SLC9A9: variants seen among roughly 807,000 people sequenced by gnomAD.
SLC9A9 encodes sodium/hydrogen exchanger 9.
SLC9A9 carries 62 observed loss-of-function variants against 77.8 expected under a neutral mutation model. That is an observed-to-expected ratio of 0.80 (90% CI 0.65 to 0.98). SLC9A9 has a LOEUF of 0.98. Ranked by LOEUF, SLC9A9 falls within the 50% of genes least tolerant of loss-of-function variation. The probability of loss-of-function intolerance (pLI) is 0.00; values close to 1 mark genes in which losing one functional copy is unlikely to be tolerated. For synonymous variants in SLC9A9, 320 were observed against 283.5 expected, an observed-to-expected ratio of 1.13 and a Z score of -1.29; for missense variants, 775 against 774.9, an observed-to-expected ratio of 1.00 and a Z score of 0.00.
intron 1 of SLC9A9, among the ~76,000 whole-genome samples, chr3:143,847,134 A>G (rs566720075): frequency 1.3e-5 from 2 of 152,338 alleles, no homozygotes; most frequent in South Asian, 4.1e-4. Flanking sequence ...TACAATGTGC[A>G]TTGATCTGTA....
chr3:143,521,618 C>T (rs2036299331), intron 9 of SLC9A9, among the ~76,000 whole-genome samples: 7 of 151,678 alleles, frequency 4.6e-5, no homozygotes, highest in Admixed American at 3.3e-4. Context: ...TTTCCATTTC[C>T]TGCCTTCTTT....
At chr3:143,673,015 T>C (rs2039184114) in intron 5 of SLC9A9, among the ~76,000 whole-genome samples, 1 of 152,232 alleles carries the variant, frequency 6.6e-6, no homozygotes. Context: ...AGATAGTTCA[T>C]GTGCCTCTGC....
intron 4 of SLC9A9, among the ~76,000 whole-genome samples, chr3:143,704,241 T>C (rs1933890900): frequency 6.6e-6 from 1 of 152,144 alleles, no homozygotes; most frequent in East Asian, 1.9e-4. Context: ...AGTATTATCC[T>C]CATAACAAGA....
intron 12 of SLC9A9, among the ~76,000 whole-genome samples, chr3:143,465,577 G>T (rs2035268265): frequency 6.6e-6 from 1 of 152,188 alleles, no homozygotes; most frequent in African/African-American, 2.4e-5. Context: ...TCACCTAATA[G>T]TGTATTCAGT....
At chr3:143,625,231 C>T (rs904610540) in intron 6 of SLC9A9, among the ~76,000 whole-genome samples, 2 of 152,216 alleles carry the variant, frequency 1.3e-5, no homozygotes, top group African/African-American at 4.8e-5. Flanking sequence ...ATCAAGCTAC[C>T]AATGACTTTC....
intron 4 of SLC9A9, among the ~76,000 whole-genome samples, chr3:143,729,048 C>A (rs1295060518): frequency 6.6e-6 from 1 of 152,148 alleles, no homozygotes; most frequent in African/African-American, 2.4e-5. Context: ...GCTTTGCCAA[C>A]ACCCAGTTAT....
chr3:143,732,564 C>A (rs4839605), intron 4 of SLC9A9, among the ~76,000 whole-genome samples: 7,832 of 152,314 alleles, frequency 0.051, 353 homozygotes, highest in East Asian at 0.2. Flanking sequence ...CCATGAGAAT[C>A]TCAAGTGTGG....
intron 9 of SLC9A9, among the ~76,000 whole-genome samples, chr3:143,495,966 A>T (rs1056660221): frequency 2.0e-5 from 3 of 152,198 alleles, no homozygotes; most frequent in Non-Finnish European, 2.9e-5. Flanking sequence ...ATGAATGTCA[A>T]TTACATTTTA....
chr3:143,600,252 T>C (rs899720239), intron 6 of SLC9A9, among the ~76,000 whole-genome samples: 1 of 152,148 alleles, frequency 6.6e-6, no homozygotes, highest in Non-Finnish European at 1.5e-5. Context: ...TTTGTTCAAC[T>C]CCCACCTATG....
At chr3:143,484,690 T>A (rs2035629844) in intron 11 of SLC9A9, among the ~76,000 whole-genome samples, 1 of 152,178 alleles carries the variant, frequency 6.6e-6, no homozygotes, top group Non-Finnish European at 1.5e-5. Flanking sequence ...AGAAAGGACA[T>A]GATTTTGATT....
chr3:143,596,850 T>C (rs2037761006), intron 6 of SLC9A9, among the ~76,000 whole-genome samples: 1 of 152,006 alleles, frequency 6.6e-6, no homozygotes, highest in South Asian at 2.1e-4. Context: ...TTGTAGAGAT[T>C]GAGGTCTCAC....
At chr3:143,383,293 A>C (rs1257250562) in intron 12 of SLC9A9, among the ~76,000 whole-genome samples, 1 of 152,216 alleles carries the variant, frequency 6.6e-6, no homozygotes, top group Admixed American at 6.5e-5. Flanking sequence ...TTATTCCTGT[A>C]AGCTGTTCCT....
intron 11 of SLC9A9, among the ~76,000 whole-genome samples, chr3:143,482,766 T>C (rs2035593815): frequency 6.6e-6 from 1 of 152,252 alleles, no homozygotes; most frequent in Non-Finnish European, 1.5e-5. Flanking sequence ...ATCTTTGTAA[T>C]ATGCACCACA....
intron 8 of SLC9A9, among the ~76,000 whole-genome samples, chr3:143,570,059 G>C (rs1485117778): frequency 6.6e-6 from 1 of 151,686 alleles, no homozygotes; most frequent in Non-Finnish European, 1.5e-5. Context: ...TCCCTGCTTG[G>C]CCTCCCAAAG....
chr3:143,675,624 A>T (rs1484836711), intron 5 of SLC9A9, among the ~76,000 whole-genome samples: 3 of 152,108 alleles, frequency 2.0e-5, no homozygotes, highest in Non-Finnish European at 4.4e-5. Flanking sequence ...TTCTTTTTTC[A>T]CTTCACGGCA....
At chr3:143,765,107 C>CTCTTTCTT (rs2007270100) in intron 4 of SLC9A9, among the ~76,000 whole-genome samples, 1 of 144,302 alleles carries the variant, frequency 6.9e-6, no homozygotes. Context: ...CTTTCTTTCC[C>CTCTTTCTT]TCTTTTTCTT....
At chr3:143,528,190 T>C (rs572364222) in intron 9 of SLC9A9, among the ~76,000 whole-genome samples, 9 of 152,354 alleles carry the variant, frequency 5.9e-5, no homozygotes, top group African/African-American at 1.7e-4. Context: ...GTTCAGCTTT[T>C]TGCTCCACCA....
At chr3:143,345,851 A>G (rs543221046) in intron 14 of SLC9A9, among the ~76,000 whole-genome samples, 2 of 152,000 alleles carry the variant, frequency 1.3e-5, no homozygotes, top group East Asian at 3.9e-4. Flanking sequence ...ATAGTGGAGA[A>G]TGGATTCCAA....
chr3:143,465,202 A>G (rs2035263316), intron 12 of SLC9A9, among the ~76,000 whole-genome samples: 1 of 152,198 alleles, frequency 6.6e-6, no homozygotes, highest in Non-Finnish European at 1.5e-5. Flanking sequence ...AACACTGGCC[A>G]GGCTGACTAC....
Sources: allele counts gnomAD v4.1 joint callset (sites outside exome capture counted in the v4.1 genomes callset), GRCh38; gene constraint gnomAD v4.1.1; transcripts MANE v1.5; gene names NCBI Gene and HGNC (gene_info 2026-07-23, HGNC 2026-07-21).